The following SORBS2 variants were observed in gnomAD, a reference collection of about 807,000 sequenced individuals.
SORBS2 encodes sorbin and SH3 domain-containing protein 2.
In SORBS2, 46 loss-of-function variants were observed where a neutral mutation model predicts 97.7. That is an observed-to-expected ratio of 0.47 (90% CI 0.37 to 0.60). SORBS2 has a LOEUF of 0.60. Ranked by LOEUF, SORBS2 falls within the 20% of genes least tolerant of loss-of-function variation. SORBS2 has a pLI of 0.00. For missense variants in SORBS2, 1,316 were observed against 1,282.3 expected, an observed-to-expected ratio of 1.03 and a Z score of -0.40; for synonymous variants, 476 against 473.4, an observed-to-expected ratio of 1.01 and a Z score of -0.07.
intron 3 of SORBS2, 95 bp downstream of exon 6, chr4:185,678,701 A>G: frequency 1.7e-6 from 2 of 1,152,520 alleles, no homozygotes; most frequent in Non-Finnish European, 2.4e-6. Context: ...AGTACATGAA[A>G]TTTAAATTTA....
intron 2 of SORBS2, among the ~76,000 whole-genome samples, chr4:185,746,025 AATAGAG>A: frequency 6.6e-6 from 1 of 152,342 alleles, no homozygotes; most frequent in South Asian, 2.1e-4. Flanking sequence ...CAGAAGAAAT[AATAGAG>A]GGAATAACAA....
At chr4:185,597,822 T>C (rs549509635) in intron 12 of SORBS2, among the ~76,000 whole-genome samples, 11 of 152,352 alleles carry the variant, frequency 7.2e-5, no homozygotes, top group African/African-American at 2.6e-4. Flanking sequence ...GAGTTGTTTC[T>C]GCTTTATCTG....
chr4:185,900,073 C>T (rs1352711341), intron 1 of SORBS2, among the ~76,000 whole-genome samples: 1 of 152,120 alleles, frequency 6.6e-6, no homozygotes, highest in African/African-American at 2.4e-5. Flanking sequence ...GCTATGATCA[C>T]ACCTGTGAAT....
intron 2 of SORBS2, among the ~76,000 whole-genome samples, chr4:185,759,213 T>C (rs539877858): frequency 1.3e-5 from 2 of 152,348 alleles, no homozygotes; most frequent in South Asian, 2.1e-4. Flanking sequence ...GCAGAGGAGA[T>C]AACAGCTTCT....
chr4:185,669,612 CA>C (rs1253520770), intron 4 of SORBS2, among the ~76,000 whole-genome samples: 1 of 151,848 alleles, frequency 6.6e-6, no homozygotes. Flanking sequence ...TAAAGAGTGA[CA>C]AAAAACTCAG....
intron 1 of SORBS2, among the ~76,000 whole-genome samples, chr4:185,808,818 A>G (rs950198672): frequency 2.6e-5 from 4 of 152,242 alleles, no homozygotes; most frequent in African/African-American, 7.2e-5. Context: ...GCTACTAATC[A>G]TCATCAACTC....
At chr4:185,914,375 G>A (rs567451067) in intron 1 of SORBS2, among the ~76,000 whole-genome samples, 1 of 151,990 alleles carries the variant, frequency 6.6e-6, no homozygotes, top group African/African-American at 2.4e-5. Context: ...CCTCATTCTG[G>A]TATAATTTTT....
At chr4:185,933,775 G>A (rs564748785) in intron 1 of SORBS2, among the ~76,000 whole-genome samples, 4 of 152,244 alleles carry the variant, frequency 2.6e-5, no homozygotes, top group East Asian at 1.9e-4. Context: ...AGTCACATAC[G>A]TAGGTACTGG....
chr4:185,827,935 C>T (rs1028985045), intron 1 of SORBS2, among the ~76,000 whole-genome samples: 1 of 137,498 alleles, frequency 7.3e-6, no homozygotes, highest in African/African-American at 2.9e-5. Flanking sequence ...ACCATCATCA[C>T]CATCATCATC....
intron 1 of SORBS2, among the ~76,000 whole-genome samples, chr4:185,910,280 A>T (rs969009933): frequency 6.6e-6 from 1 of 152,152 alleles, no homozygotes; most frequent in Non-Finnish European, 1.5e-5. Flanking sequence ...GCCTGGCCAC[A>T]CCCTACTCCA....
At chr4:185,815,892 G>C (rs2099192983) in intron 1 of SORBS2, among the ~76,000 whole-genome samples, 1 of 152,102 alleles carries the variant, frequency 6.6e-6, no homozygotes, top group Non-Finnish European at 1.5e-5. Context: ...AAGATACAAA[G>C]TTTTAAAAAA....
At chr4:185,645,481 A>T (rs970606321) in intron 4 of SORBS2, 2 of 152,218 alleles carry the variant, frequency 1.3e-5, no homozygotes, top group African/African-American at 4.8e-5. Flanking sequence ...GAAGGCTTAG[A>T]CAAATATCAT....
At chr4:185,717,322 A>AT (rs200184741) in intron 2 of SORBS2, among the ~76,000 whole-genome samples, 1 of 152,072 alleles carries the variant, frequency 6.6e-6, no homozygotes, top group African/African-American at 2.4e-5. Context: ...GCTGGACATA[A>AT]TTTTTTTCTG....
At chr4:185,775,670 A>G (rs774798552) in intron 1 of SORBS2, 1 of 152,246 alleles carries the variant, frequency 6.6e-6, no homozygotes, top group Non-Finnish European at 1.5e-5. Flanking sequence ...TTAAAGAAAC[A>G]CAGTGCTCCT....
intron 1 of SORBS2, 161 bp from the exon 2 acceptor site, chr4:185,775,527 C>T (rs542518222): frequency 1.3e-5 from 2 of 152,170 alleles, no homozygotes; most frequent in Admixed American, 6.5e-5. Context: ...TCGCCACCCC[C>T]CACTCCAGGG....
intron 2 of SORBS2, among the ~76,000 whole-genome samples, chr4:185,716,679 T>C (rs10022053): frequency 0.013 from 1,937 of 152,302 alleles, 56 homozygotes; most frequent in African/African-American, 0.042. Flanking sequence ...ACTCCACAGA[T>C]GGTGGAGTAA....
intron 1 of SORBS2, among the ~76,000 whole-genome samples, chr4:185,847,418 C>T (rs982038016): frequency 1.1e-4 from 17 of 152,004 alleles, no homozygotes; most frequent in East Asian, 7.7e-4. Context: ...TGCTGAGTGC[C>T]GAAATGCCAG....
chr4:185,725,628 C>G (rs1046792299), intron 2 of SORBS2, among the ~76,000 whole-genome samples: 1 of 152,098 alleles, frequency 6.6e-6, no homozygotes, highest in African/African-American at 2.4e-5. Flanking sequence ...TTGTCTTGAT[C>G]TTTGTTTTTG....
intron 2 of SORBS2, among the ~76,000 whole-genome samples, chr4:185,747,631 G>A (rs1198765955): frequency 1.3e-5 from 2 of 152,140 alleles, no homozygotes; most frequent in Non-Finnish European, 2.9e-5. Flanking sequence ...AGATGAGTCA[G>A]GCCCATGGTG....
Sources: gnomAD v4.1 joint callset for allele counts (sites outside exome capture counted in the v4.1 genomes callset) on GRCh38, gnomAD v4.1.1 for gene constraint, MANE v1.5 for transcripts, NCBI Gene and HGNC (gene_info 2026-07-23, HGNC 2026-07-21) for gene names.